The following GPHN variants were observed in gnomAD, a reference collection of about 807,000 sequenced individuals.
The protein encoded by GPHN is gephyrin.
A neutral mutation model predicts 95.5 loss-of-function variants in GPHN; 17 were observed. The ratio of observed to expected loss-of-function variants is 0.18; its 90% CI spans 0.12 to 0.27. GPHN has a LOEUF of 0.27. Ranked by LOEUF, GPHN falls within the 10% of genes least tolerant of loss-of-function variation. The pLI, the probability that GPHN is intolerant of heterozygous loss-of-function variation, is 1.00. For missense variants in GPHN, 660 were observed against 978.1 expected, an observed-to-expected ratio of 0.67 and a Z score of 4.34; for synonymous variants, 320 against 322.5, an observed-to-expected ratio of 0.99 and a Z score of 0.08.
chr14:66,815,464 C>T (rs947293261), intron 3 of GPHN, among the ~76,000 whole-genome samples: 3 of 152,182 alleles, frequency 2.0e-5, no homozygotes, highest in African/African-American at 7.2e-5. Flanking sequence ...TAACAGCAGA[C>T]ATCTCAGTTG....
At chr14:67,713,719 A>G in the GPHN span, among the ~76,000 whole-genome samples, 9,878 of 152,286 alleles carry the variant, frequency 0.065, 1,021 homozygotes, top group African/African-American at 0.22. Context: ...ACACAGCCTC[A>G]GGAGGTCCTG....
At chr14:66,829,082 CTT>C (rs1169056047) in intron 4 of GPHN, among the ~76,000 whole-genome samples, 4 of 80,096 alleles carry the variant, frequency 5.0e-5, no homozygotes, top group South Asian at 4.0e-4. Flanking sequence ...GATTGCTTGC[CTT>C]TTTTTTTTTT....
chr14:67,254,182 C>CTTTTTTTT, the GPHN span: 23 of 118,424 alleles, frequency 1.9e-4, no homozygotes, highest in Non-Finnish European at 3.1e-4. Context: ...AAGTGTCTTT[C>CTTTTTTTT]TTTTTTTTTT....
intron 5 of GPHN, among the ~76,000 whole-genome samples, chr14:66,881,032 A>G (rs1232958740): frequency 2.0e-5 from 3 of 152,058 alleles, no homozygotes; most frequent in Admixed American, 6.6e-5. Context: ...TGTAATATGA[A>G]TATAAAATTA....
chr14:67,341,661 G>C, the GPHN span, among the ~76,000 whole-genome samples: 1 of 152,258 alleles, frequency 6.6e-6, no homozygotes, highest in Admixed American at 6.5e-5. Flanking sequence ...CCTCTGCCCG[G>C]CCACCACCCC....
At chr14:66,753,921 T>C (rs985999880) in intron 2 of GPHN, among the ~76,000 whole-genome samples, 5 of 152,108 alleles carry the variant, frequency 3.3e-5, no homozygotes, top group African/African-American at 1.2e-4. Flanking sequence ...CCTATCACTA[T>C]AGATTTGCCT....
chr14:66,634,255 T>C (rs769767823), intron 1 of GPHN, among the ~76,000 whole-genome samples: 4 of 151,934 alleles, frequency 2.6e-5, no homozygotes, highest in Non-Finnish European at 5.9e-5. Flanking sequence ...GAGTAGCTTC[T>C]GTAAGGAAAG....
intron 5 of GPHN, among the ~76,000 whole-genome samples, chr14:66,913,560 C>G (rs1431471408): frequency 6.6e-6 from 1 of 152,090 alleles, no homozygotes; most frequent in Non-Finnish European, 1.5e-5. Context: ...CCAGGCTGGT[C>G]TCGAACTCTG....
At chr14:67,384,668 A>G in the GPHN span, 1 of 152,210 alleles carries the variant, frequency 6.6e-6, no homozygotes, top group African/African-American at 2.4e-5. Context: ...AAAATAGAAG[A>G]GTGTGTTGGG....
the GPHN span, chr14:67,473,671 A>T: frequency 6.3e-7 from 1 of 1,581,672 alleles, no homozygotes; most frequent in Non-Finnish European, 8.6e-7. The surrounding 1 kb of genome is among the most constrained non-coding windows in gnomAD (Gnocchi z 6.5). Context: ...TCCCACAGGT[A>T]GGTCCAGAGC....
chr14:66,555,881 G>C (rs2059989018), intron 1 of GPHN, among the ~76,000 whole-genome samples: 1 of 152,016 alleles, frequency 6.6e-6, no homozygotes, highest in Non-Finnish European at 1.5e-5. Context: ...TTCATGTGCA[G>C]TCTTTGCTTA....
intron 2 of GPHN, among the ~76,000 whole-genome samples, chr14:66,727,403 A>G (rs577419100): frequency 2.0e-5 from 3 of 152,344 alleles, no homozygotes; most frequent in African/African-American, 7.2e-5. Context: ...GAACTGGGTA[A>G]CAGGCAGAGG....
the GPHN span, among the ~76,000 whole-genome samples, chr14:67,574,817 T>C: frequency 6.6e-6 from 1 of 152,062 alleles, no homozygotes; most frequent in African/African-American, 2.4e-5. The surrounding 1 kb of genome is among the most constrained non-coding windows in gnomAD (Gnocchi z 4.2). Flanking sequence ...GCTCTTCTGG[T>C]TGAACAGAGC....
chr14:66,788,816 C>A (rs770548853), intron 3 of GPHN, among the ~76,000 whole-genome samples: 20 of 152,194 alleles, frequency 1.3e-4, no homozygotes, highest in Non-Finnish European at 2.5e-4. Context: ...GCCACCAGGC[C>A]TGGCTAATTT....
intron 1 of GPHN, among the ~76,000 whole-genome samples, chr14:66,585,982 A>T (rs1490377958): frequency 6.6e-6 from 1 of 152,116 alleles, no homozygotes; most frequent in Non-Finnish European, 1.5e-5. Context: ...TAATGTTGAC[A>T]GTGGGGTGTT....
chr14:67,726,024 T>C, the GPHN span: 7 of 1,505,218 alleles, frequency 4.7e-6, no homozygotes, highest in East Asian at 9.0e-5. Context: ...TTGCTAACCA[T>C]AGGATCTCTT....
intron 3 of GPHN, among the ~76,000 whole-genome samples, chr14:66,800,087 A>AAAAGCCACAAACTAAT (rs1383890458): frequency 6.6e-6 from 1 of 152,094 alleles, no homozygotes; most frequent in Non-Finnish European, 1.5e-5. Context: ...ACAAACTAAT[A>AAAAGCCACAAACTAAT]AAAGTCTACA....
chr14:67,604,119 A>G, the GPHN span, among the ~76,000 whole-genome samples: 1 of 152,148 alleles, frequency 6.6e-6, no homozygotes, highest in Non-Finnish European at 1.5e-5. Context: ...CAGCCTCCCA[A>G]GTAGCTGGGA....
chr14:67,714,972 T>C, the GPHN span: 1 of 152,172 alleles, frequency 6.6e-6, no homozygotes, highest in Non-Finnish European at 1.5e-5. Flanking sequence ...ACAAACAAAT[T>C]AAAGGCAAGA....
Sources: gnomAD v4.1 joint callset for allele counts (sites outside exome capture counted in the v4.1 genomes callset) on GRCh38, gnomAD v4.1.1 for gene constraint, Gnocchi (gnomAD v3.1) non-coding constraint, MANE v1.5 for transcripts, NCBI Gene and HGNC (gene_info 2026-07-23, HGNC 2026-07-21) for gene names.